Variants in SKI observed in about 807,000 individuals in gnomAD.
The protein encoded by SKI is SKI proto-oncogene, also known as ski oncogene.
In SKI, 23 loss-of-function variants were observed where a neutral mutation model predicts 59.3. The observed-to-expected ratio is 0.39, with a 90% CI of 0.28 to 0.55. SKI has a LOEUF of 0.55. Ranked by LOEUF, SKI falls within the 20% of genes least tolerant of loss-of-function variation. SKI has a pLI of 0.67. For missense variants in SKI, 1,017 were observed against 1,038.9 expected (o/e 0.98, Z 0.29); for synonymous variants, 673 against 488.6 (o/e 1.38, Z -4.98).
intron 1 of SKI, among the ~76,000 whole-genome samples, chr1:2,286,550 A>G (rs1365098464): frequency 6.6e-6 from 1 of 152,242 alleles, no homozygotes; most frequent in African/African-American, 2.4e-5. Context: ...AATCATCAAA[A>G]TTGCACAGTT....
In SKI at chr1:2,303,461, A is replaced by C. The variant is rs760413023; in HGVS notation, c.1211+61A>C. ...GGGGGAGGCTCCACGAGGGCTGTGC[A>C]TGCGGACGCGCCCATGTTTCTGCAG... On this transcript the variant is annotated intron_variant, in intron 3 of 6. Coordinates refer to ENST00000378536, the MANE Select transcript of SKI (RefSeq NM_003036.4). This position sits in a 1 kb window ranked among gnomAD's most constrained non-coding sequence, Gnocchi z 5.6. 19 of 1,442,924 alleles carry C rather than the reference A, an allele frequency of 1.3e-5. No individual in the cohort carries two copies. The highest frequency in any genetic ancestry group is 1.8e-5 in the Non-Finnish European group (19 of 1,034,260). The allele number at this position is 1,442,924 out of a possible 1,614,324, so 89.4% of individuals were successfully genotyped here.
intron 1 of SKI, among the ~76,000 whole-genome samples, chr1:2,288,350 A>G (rs931987671): frequency 2.0e-5 from 3 of 152,122 alleles, no homozygotes; most frequent in African/African-American, 4.8e-5. Flanking sequence ...TCTAACTCCT[A>G]ACCTCAGGTG....
rs766445644 is a variant in SKI at position 2,245,788 on chromosome 1, C to CTTTTTTTTTTTT, written c.969+16068_969+16079dup. 9.9e-5 allele frequency among the ~76,000 whole-genome samples: 7 copies of CTTTTTTTTTTTT among 70,366 alleles called. 1 individual carries two copies. The highest frequency in any genetic ancestry group is 2.2e-4 in the Admixed American group (1 of 4,460). 46.2% of individuals were successfully genotyped at this position (70,366 alleles called of 152,430 possible). ...ACTGCACCTGGCCCTATTTTTCCTT[C>CTTTTTTTTTTTT]TTTTTTTTTTTTTTTTTTTTTTTTT... On this transcript the variant is annotated intron_variant, in intron 1 of 6. Transcript: ENST00000378536.
intron 1 of SKI, among the ~76,000 whole-genome samples, chr1:2,236,692 A>AT (rs1557811873): frequency 6.6e-6 from 1 of 152,166 alleles, no homozygotes; most frequent in Non-Finnish European, 1.5e-5. Flanking sequence ...GGCATGAGCC[A>AT]TTGCGCCTGG....
Position 2,228,786 on chromosome 1 carries a change from G to T in SKI, c.20G>T (p.Gly7Val). 3.8e-6 allele frequency: 5 copies of T among 1,307,390 alleles called. No individual in the cohort carries two copies. The highest frequency in any genetic ancestry group is 3.9e-6 in the Non-Finnish European group (4 of 1,014,544). The allele number at this position is 1,307,390 out of a possible 1,614,324, so 81.0% of individuals were successfully genotyped here. Reference sequence around the variant, plus strand: ...CGCACCATGGAGGCGGCGGCAGGCGGCCGCGGCTGTTTCCAGCCGCACCCG... The same window carrying T: ...CGCACCATGGAGGCGGCGGCAGGCGTCCGCGGCTGTTTCCAGCCGCACCCG... MEAAAG[G>V]RGCFQPHPGL... Residue 7 changes from glycine (G) to valine (V), a missense_variant, in exon 1 of 7, where the codon GGC (glycine) becomes GTC (valine). By Grantham distance (109) the Gly-to-Val change is moderately radical. Transcript: ENST00000378536.
rs756553942 is a variant in SKI at position 2,306,634 on chromosome 1, G to A, written c.2056G>A (p.Ala686Thr). ...GGAGGCGGACCGGGAGCAGCTGCGG[G>A]CCGACCTGCTGCGGGAGCGCGAGGC... The part of the protein sequence containing the change: ...HAEADREQLR[A>T]DLLREREARE... Residue 686 changes from alanine (A) to threonine (T), a missense_variant, in exon 7 of 7, where the codon GCC becomes ACC. Transcript: ENST00000378536. The A allele has an allele frequency of 9.8e-5, 151 of 1,544,816 alleles. No homozygotes were observed. Among genetic ancestry groups the A allele is most frequent in the Non-Finnish European group, 1.2e-4 (138 of 1,145,462 alleles).
rs55683510 is a variant in SKI at position 2,257,240 on chromosome 1, C to T, written c.969+27505C>T. On this transcript the variant is annotated intron_variant, in intron 1 of 6. Coordinates refer to ENST00000378536, the MANE Select transcript of SKI (RefSeq NM_003036.4). ...CAGTTTGTCCTGCTGGTTTCCTCTG[C>T]ATTCCTTTGGTTGGTTTCAGACCTC... Among the ~76,000 whole-genome samples the T allele has an allele frequency of 5.8e-3, 884 of 152,386 alleles. 3 individuals are homozygous for T. The highest frequency in any genetic ancestry group is 9.4e-3 in the Non-Finnish European group (643 of 68,046).
rs1028234514 is a variant in SKI at position 2,270,999 on chromosome 1, G to A, written c.970-31979G>A. On this transcript the variant is annotated intron_variant, in intron 1 of 6. Coordinates refer to ENST00000378536, the MANE Select transcript of SKI (RefSeq NM_003036.4). This position sits in a 1 kb window ranked among gnomAD's most constrained non-coding sequence, Gnocchi z 4.1. ...CCTGGCCTCAGGCCTGGGCTGTGGGGATGACTGAGGCCCAGTGAGGAGTGG... is the reference window on the plus strand; with the variant it reads ...CCTGGCCTCAGGCCTGGGCTGTGGGAATGACTGAGGCCCAGTGAGGAGTGG... 2.6e-5 allele frequency among the ~76,000 whole-genome samples: 4 copies of A among 152,226 alleles called. No individual in the cohort carries two copies. Among genetic ancestry groups the A allele is most frequent in the Non-Finnish European group, 4.4e-5 (3 of 68,034 alleles).
At chr1:2,293,677 G>A (rs1406342417) in intron 1 of SKI, among the ~76,000 whole-genome samples, 1 of 152,024 alleles carries the variant, frequency 6.6e-6, no homozygotes, top group African/African-American at 2.4e-5. Flanking sequence ...TCGTGTTTCC[G>A]CTGCCCCTGT....
chr1:2,240,382 GC>G, intron 1 of SKI: 1 of 612,476 alleles, frequency 1.6e-6, no homozygotes. Flanking sequence ...TGTGGGCCAG[GC>G]AGGTCTGGCT....
Position 2,277,282 on chromosome 1 carries a change from C to T in SKI, c.970-25696C>T, listed in dbSNP as rs566187475. Among the ~76,000 whole-genome samples the T allele has an allele frequency of 2.6e-5, 4 of 152,126 alleles. No homozygotes were observed. In the South Asian group the frequency reaches 8.3e-4, roughly 31 times the overall value. Reference sequence around the variant, plus strand: ...CTAATTTTTGTAGTTTTAGTAGAGACGGTGATATGGTTTGGCTGTGTCCCC... The same window carrying T: ...CTAATTTTTGTAGTTTTAGTAGAGATGGTGATATGGTTTGGCTGTGTCCCC... On this transcript the variant is annotated intron_variant, in intron 1 of 6. Coordinates refer to ENST00000378536, the MANE Select transcript of SKI (RefSeq NM_003036.4).
intron 1 of SKI, among the ~76,000 whole-genome samples, chr1:2,290,801 C>A (rs924419371): frequency 6.6e-6 from 1 of 152,228 alleles, no homozygotes; most frequent in African/African-American, 2.4e-5. Context: ...GACGCATTGT[C>A]ACCCCCTCCT....
In SKI at chr1:2,228,870, C is replaced by T; in HGVS notation, c.104C>T (p.Pro35Leu). The T allele has an allele frequency of 7.0e-7, 1 of 1,430,318 alleles. No individual in the cohort carries two copies. The highest frequency in any genetic ancestry group is 9.2e-7 in the Non-Finnish European group (1 of 1,088,334). The allele number at this position is 1,430,318 out of a possible 1,614,324, so 88.6% of individuals were successfully genotyped here. ...HLSSMSSLGG[P>L]AAFSARWAQE... ...AGCTCCATGAGCTCGCTGGGCGGCC[C>T]GGCCGCTTTCTCGGCGCGCTGGGCG... The change falls in exon 1 of 7, where the codon CCG becomes CTG. Residue 35 changes from proline (P) to leucine (L), a missense_variant. Physicochemically the swap from Pro to Leu is moderately conservative, Grantham distance 98. Coordinates refer to ENST00000378536, the MANE Select transcript of SKI (RefSeq NM_003036.4).
chr1:2,272,262 C>G (rs764600401), intron 1 of SKI, among the ~76,000 whole-genome samples: 2 of 152,234 alleles, frequency 1.3e-5, no homozygotes, highest in African/African-American at 2.4e-5. Flanking sequence ...AGCTACCAAG[C>G]TTAAATGTCT....
rs116760507 is a variant in SKI, at chr1:2,287,669, G to T, written c.970-15309G>T. Among the ~76,000 whole-genome samples, 285 of 152,222 alleles carry T rather than the reference G, an allele frequency of 1.9e-3. 2 individuals carry two copies. Among genetic ancestry groups the T allele is most frequent in the African/African-American group, 6.6e-3 (273 of 41,538 alleles). On this transcript the variant is annotated intron_variant, in intron 1 of 6. Transcript: ENST00000378536. ...TGGGCTACGAGGGTCTGCCGCAGGG[G>T]GGGTGTGGACGGGTCTTGCATGCGT... is the stretch of plus-strand genomic sequence containing the variant.
chr1:2,292,857 A>G (rs1181588519), intron 1 of SKI, among the ~76,000 whole-genome samples: 1 of 152,102 alleles, frequency 6.6e-6, no homozygotes, highest in Non-Finnish European at 1.5e-5. Flanking sequence ...TCCCCTTCGG[A>G]GGAAGCAACG....
chr1:2,256,742 G>C (rs576135357), intron 1 of SKI, among the ~76,000 whole-genome samples: 2 of 152,360 alleles, frequency 1.3e-5, no homozygotes, highest in African/African-American at 4.8e-5. Context: ...CCTGCCATCT[G>C]CTTTGGGCTC....
At chr1:2,279,142 C>T (rs899607513) in intron 1 of SKI, among the ~76,000 whole-genome samples, 2 of 152,226 alleles carry the variant, frequency 1.3e-5, no homozygotes, top group Non-Finnish European at 2.9e-5. Context: ...CCTCCACCGC[C>T]CCATTGGGCG....
intron 1 of SKI, among the ~76,000 whole-genome samples, chr1:2,232,265 C>G (rs1462840482): frequency 6.6e-6 from 1 of 152,170 alleles, no homozygotes; most frequent in African/African-American, 2.4e-5. Flanking sequence ...GGCTGCTGCT[C>G]CCAGCAGGCC....
Sources: allele counts gnomAD v4.1 joint callset (sites outside exome capture counted in the v4.1 genomes callset), GRCh38; gene constraint gnomAD v4.1.1; non-coding constraint Gnocchi (gnomAD v3.1); transcripts MANE v1.5; gene names NCBI Gene and HGNC (gene_info 2026-07-23, HGNC 2026-07-21).